PCDHGA4: variants seen among roughly 807,000 people sequenced by gnomAD.
PCDHGA4 encodes protocadherin gamma subfamily A, 4.
Under a neutral mutation model 54.6 loss-of-function variants are expected in PCDHGA4, and 38 were observed. The observed-to-expected ratio is 0.70, with a 90% CI of 0.54 to 0.91. The LOEUF is 0.91. PCDHGA4 is among the 40% of genes least tolerant of loss of function. The pLI is 0.00. For missense variants in PCDHGA4, 1,298 were observed against 1,220.9 expected, an observed-to-expected ratio of 1.06 and a Z score of -0.94; for synonymous variants, 511 against 512.9, an observed-to-expected ratio of 1.00 and a Z score of 0.05.
intron 1 of PCDHGA4, chr5:141,395,381 A>T (rs562557513): frequency 2.7e-6 from 3 of 1,094,770 alleles, no homozygotes; most frequent in Non-Finnish European, 3.8e-6. Flanking sequence ...TGGTGTTACT[A>T]TAAAATTGAA....
intron 1 of PCDHGA4, among the ~76,000 whole-genome samples, chr5:141,380,132 T>A (rs552082658): frequency 4.4e-4 from 67 of 152,174 alleles, no homozygotes; most frequent in African/African-American, 1.6e-3. Context: ...ACTCCTGACC[T>A]TAAGTGATCC....
At chr5:141,501,298 C>T (rs998006748) in intron 2 of PCDHGA4, among the ~76,000 whole-genome samples, 216 of 148,422 alleles carry the variant, frequency 1.5e-3, no homozygotes, top group Admixed American at 2.4e-3. Context: ...TATACACACA[C>T]ACACACACAC....
At position 141,355,660 on chromosome 5, in the gene PCDHGA4, C is replaced by T; in HGVS notation, c.553C>T (p.Leu185Phe). 1 of 1,614,014 alleles carries T rather than the reference C, an allele frequency of 6.2e-7. No individual in the cohort carries two copies. The highest frequency in any genetic ancestry group is 8.5e-7 in the Non-Finnish European group (1 of 1,179,896). Residue 185 changes from leucine to phenylalanine, a missense_variant, in exon 1 of 4, where the codon CTT becomes TTT. Leu to Phe is a conservative substitution (Grantham distance 22, BLOSUM62 0). Transcript: ENST00000571252. ...ENENPGARFP[L>F]PEAFDPDVGV... ...TGAAAATCCTGGGGCAAGATTTCCT[C>T]TTCCTGAAGCTTTTGATCCGGATGT...
intron 1 of PCDHGA4, chr5:141,388,895 T>C (rs2150370716): frequency 6.2e-7 from 1 of 1,613,946 alleles, no homozygotes; most frequent in Non-Finnish European, 8.5e-7. Flanking sequence ...AAGTCATAGA[T>C]GAAAATGACA....
intron 1 of PCDHGA4, among the ~76,000 whole-genome samples, chr5:141,420,624 CTCAA>C (rs1561789527): frequency 1.3e-5 from 2 of 152,278 alleles, no homozygotes; most frequent in Admixed American, 1.3e-4. Context: ...TCTTCATTTA[CTCAA>C]TAAAGGAACC....
chr5:141,431,012 G>A lies in PCDHGA4; in HGVS notation c.2515-63795G>A. On this transcript the variant is annotated intron_variant, in intron 1 of 3. Coordinates refer to ENST00000571252, the MANE Select transcript of PCDHGA4 (RefSeq NM_018917.4). This position sits in a 1 kb window ranked among gnomAD's most constrained non-coding sequence, Gnocchi z 4.8. The stretch of plus-strand genomic sequence containing the variant: ...CCTGAATCCGCGCAGCGGCAGCTTG[G>A]TCACGGCGGGCAGGATAGACCGGGA... 1 of 1,613,314 alleles carries A rather than the reference G, an allele frequency of 6.2e-7. No individual in the cohort carries two copies. Among genetic ancestry groups the A allele is most frequent in the South Asian group, 1.1e-5 (1 of 91,076 alleles).
At chr5:141,408,856 G>A (rs750037212) in intron 1 of PCDHGA4, 1 of 1,613,518 alleles carries the variant, frequency 6.2e-7, no homozygotes, top group Non-Finnish European at 8.5e-7. Flanking sequence ...TGGACGGAGG[G>A]GACCCACCAA....
At position 141,486,923 on chromosome 5, in the gene PCDHGA4, G is replaced by A. The variant is rs1377159895; in HGVS notation, c.2515-7884G>A. ...ATGTCCCCAAGCACTGCCTCCATCAGTTGGTGCTGGCCACCTAATCACAAA... is the reference window on the plus strand; with the variant it reads ...ATGTCCCCAAGCACTGCCTCCATCAATTGGTGCTGGCCACCTAATCACAAA... On this transcript the variant is annotated intron_variant, in intron 1 of 3. Transcript: ENST00000571252. This position sits in a 1 kb window ranked among gnomAD's most constrained non-coding sequence, Gnocchi z 5.0. 6.2e-7 allele frequency: 1 copy of A among 1,614,252 alleles called. No individual in the cohort carries two copies. Among genetic ancestry groups the A allele is most frequent in the Admixed American group, 1.7e-5 (1 of 60,028 alleles).
chr5:141,492,395 C>G (rs2099740183), intron 1 of PCDHGA4, among the ~76,000 whole-genome samples: 1 of 152,242 alleles, frequency 6.6e-6, no homozygotes, highest in African/African-American at 2.4e-5. Flanking sequence ...GGTCCACTCG[C>G]AGCTCCCCTC....
Position 141,374,094 on chromosome 5 carries a change from C to A in PCDHGA4, c.2514+16473C>A. 1 of 1,555,744 alleles carries A rather than the reference C, an allele frequency of 6.4e-7. No homozygotes were observed. The highest frequency in any genetic ancestry group is 1.2e-5 in the South Asian group (1 of 82,772). On this transcript the variant is annotated intron_variant, in intron 1 of 3. Coordinates refer to ENST00000571252, the MANE Select transcript of PCDHGA4 (RefSeq NM_018917.4). ...CCTAATAAGCCAGTAATGGCGCCTC[C>A]GCAGAGGCATCCGCAGCGCAGCGAG...
At position 141,455,034 on chromosome 5, in the gene PCDHGA4, G is replaced by T. The variant is rs112590950; in HGVS notation, c.2515-39773G>T. 8.3e-3 allele frequency among the ~76,000 whole-genome samples: 1,254 copies of T among 150,894 alleles called. 18 individuals are homozygous for T. Among genetic ancestry groups the T allele is most frequent in the African/African-American group, 0.029 (1,191 of 41,122 alleles). ...TCACCGTGTTAGCCAGGATGGTCTC[G>T]ATCTCCTGACCTCGTGATCCGCCCG... On this transcript the variant is annotated intron_variant, in intron 1 of 3. Coordinates refer to ENST00000571252, the MANE Select transcript of PCDHGA4 (RefSeq NM_018917.4).
intron 1 of PCDHGA4, chr5:141,383,225 T>C: frequency 6.2e-7 from 1 of 1,613,970 alleles, no homozygotes; most frequent in Non-Finnish European, 8.5e-7. Flanking sequence ...TTTAACATCC[T>C]GATGGAAGAT....
intron 1 of PCDHGA4, among the ~76,000 whole-genome samples, chr5:141,380,623 C>T (rs1249230107): frequency 6.6e-6 from 1 of 152,204 alleles, no homozygotes; most frequent in Non-Finnish European, 1.5e-5. Flanking sequence ...TGTTCGATAA[C>T]TTAGAAAATG....
intron 1 of PCDHGA4, chr5:141,415,756 T>G (rs756759295): frequency 1.5e-4 from 214 of 1,386,812 alleles, no homozygotes; most frequent in African/African-American, 5.9e-4. Flanking sequence ...TTTTTTTTTT[T>G]TTTTTTTTTT....
intron 1 of PCDHGA4, among the ~76,000 whole-genome samples, chr5:141,474,357 T>G (rs185194067): frequency 2.0e-4 from 30 of 152,302 alleles, no homozygotes; most frequent in African/African-American, 6.5e-4. Context: ...AAGTCATGTC[T>G]CAGTAGGTCT....
At position 141,413,701 on chromosome 5, in the gene PCDHGA4, C is replaced by T. The variant is rs764950275; in HGVS notation, c.2514+56080C>T. 1.1e-4 allele frequency: 177 copies of T among 1,613,654 alleles called. No individual in the cohort carries two copies. The Admixed American group carries it at 2.9e-3, about 27-fold the overall frequency. On this transcript the variant is annotated intron_variant, in intron 1 of 3. Coordinates refer to ENST00000571252, the MANE Select transcript of PCDHGA4 (RefSeq NM_018917.4). ...CGTGAACTCCCTGCAGAGCTATCAG[C>T]TCAGCCCCAATAAGCACTTCTCCCT...
intron 1 of PCDHGA4, chr5:141,375,266 G>GA: frequency 1.9e-6 from 3 of 1,613,846 alleles, no homozygotes; most frequent in Non-Finnish European, 1.7e-6. Context: ...ATTTGAATTG[G>GA]AAAAATCAGT....
chr5:141,487,633 T>C lies in PCDHGA4; in HGVS notation c.2515-7174T>C. On this transcript the variant is annotated intron_variant, in intron 1 of 3. Transcript: ENST00000571252. The surrounding 1 kb of genome is among the most constrained non-coding windows in gnomAD (Gnocchi z 5.0). ...GGCTAGAGGTGAGACCTTTGCAGGCTCAACAAATGCTTGAGGGTTATTCTG... is the reference window on the plus strand; with the variant it reads ...GGCTAGAGGTGAGACCTTTGCAGGCCCAACAAATGCTTGAGGGTTATTCTG... 3 of 1,614,164 alleles carry C rather than the reference T, an allele frequency of 1.9e-6. No individual in the cohort carries two copies. The highest frequency in any genetic ancestry group is 2.7e-5 in the African/African-American group (2 of 75,052).
intron 1 of PCDHGA4, chr5:141,390,310 C>T: frequency 1.2e-6 from 2 of 1,612,362 alleles, no homozygotes; most frequent in Non-Finnish European, 1.7e-6. Context: ...TAATTTAATG[C>T]TCATTGCCTA....
Sources: gnomAD v4.1 joint callset for allele counts (sites outside exome capture counted in the v4.1 genomes callset) on GRCh38, gnomAD v4.1.1 for gene constraint, Gnocchi (gnomAD v3.1) non-coding constraint, MANE v1.5 for transcripts, NCBI Gene and HGNC (gene_info 2026-07-23, HGNC 2026-07-21) for gene names.